COG5: variants seen among roughly 807,000 people sequenced by gnomAD.
COG5 encodes the protein component of oligomeric golgi complex 5, also known as conserved oligomeric Golgi complex subunit 5.
A neutral mutation model predicts 110.4 loss-of-function variants in COG5; 86 were observed. The observed-to-expected ratio is 0.78, with a 90% CI of 0.65 to 0.93. The LOEUF (loss-of-function observed/expected upper bound fraction) is 0.93, where lower values mean the gene tolerates loss of function less well. Ranked by LOEUF, COG5 falls within the 40% of genes least tolerant of loss-of-function variation. The pLI is 0.00. For synonymous variants in COG5, 360 were observed against 334.6 expected (o/e 1.08, Z -0.83); for missense variants, 1,077 against 987.0 (o/e 1.09, Z -1.22).
At chr7:107,431,043 G>C (rs1157563270) in intron 6 of COG5, among the ~76,000 whole-genome samples, 2 of 151,990 alleles carry the variant, frequency 1.3e-5, no homozygotes, top group Admixed American at 6.6e-5. Flanking sequence ...CAAACAAACA[G>C]AAAACTAACT....
chr7:107,256,741 T>C lies in COG5; in HGVS notation c.1740A>G (p.Ser580=). The change falls in exon 16 of 22, where the codon TCA becomes TCG. Residue 580 remains serine, a synonymous_variant. Coordinates refer to ENST00000297135, the MANE Select transcript of COG5 (RefSeq NM_006348.5). ...FPLAAEQTII[S]ALKAIHALME... ...GATTAAATTCTTTTACCTTTAGAGCTGAAATTATAGTTTGCTCAGCTGCCA... is the reference window on the plus strand; with the variant it reads ...GATTAAATTCTTTTACCTTTAGAGCCGAAATTATAGTTTGCTCAGCTGCCA... 1.9e-6 allele frequency: 3 copies of C among 1,608,486 alleles called. No individual in the cohort carries two copies. In the East Asian group the frequency reaches 6.7e-5, roughly 36 times the overall value.
At chr7:107,452,726 G>A (rs751256490) in intron 6 of COG5, among the ~76,000 whole-genome samples, 2 of 152,020 alleles carry the variant, frequency 1.3e-5, no homozygotes, top group Non-Finnish European at 2.9e-5. Context: ...TCCCAGTCTC[G>A]GGTATGTCTT....
chr7:107,262,186 G>A (rs1415859018), intron 14 of COG5, among the ~76,000 whole-genome samples: 6 of 151,824 alleles, frequency 4.0e-5, no homozygotes, highest in Non-Finnish European at 7.4e-5. Flanking sequence ...CCACCGCACC[G>A]GCCGTCCCTT....
At chr7:107,508,330 G>A (rs1417751329) in intron 6 of COG5, among the ~76,000 whole-genome samples, 1 of 152,214 alleles carries the variant, frequency 6.6e-6, no homozygotes, top group Non-Finnish European at 1.5e-5. Context: ...CAAGGCTGGG[G>A]GAGGGGCGCC....
intron 11 of COG5, among the ~76,000 whole-genome samples, chr7:107,320,813 T>C (rs1378528679): frequency 6.6e-6 from 1 of 152,160 alleles, no homozygotes; most frequent in African/African-American, 2.4e-5. Flanking sequence ...GAGATGATAA[T>C]GCTTAAGAAA....
At chr7:107,397,663 C>T (rs1274804918) in intron 7 of COG5, among the ~76,000 whole-genome samples, 1 of 152,158 alleles carries the variant, frequency 6.6e-6, no homozygotes, top group Non-Finnish European at 1.5e-5. Flanking sequence ...ATTTATATAT[C>T]ATTTTCAAAA....
intron 12 of COG5, among the ~76,000 whole-genome samples, chr7:107,291,540 A>G (rs573867641): frequency 2.6e-5 from 4 of 152,206 alleles, no homozygotes; most frequent in Non-Finnish European, 5.9e-5. Flanking sequence ...TTCCTCAGCT[A>G]GACACAGCTT....
At chr7:107,286,146 G>C (rs2116833179) in intron 12 of COG5, among the ~76,000 whole-genome samples, 1 of 152,242 alleles carries the variant, frequency 6.6e-6, no homozygotes, top group East Asian at 1.9e-4. Context: ...CATGAGGAAA[G>C]AACAGCAAGT....
intron 6 of COG5, among the ~76,000 whole-genome samples, chr7:107,484,914 AGAG>A (rs1797567815): frequency 6.6e-6 from 1 of 152,174 alleles, no homozygotes; most frequent in African/African-American, 2.4e-5. Flanking sequence ...CTGTGTAGAA[AGAG>A]GAGGGTAGTA....
chr7:107,358,120 T>C (rs1469899883), intron 10 of COG5, among the ~76,000 whole-genome samples: 3 of 152,242 alleles, frequency 2.0e-5, no homozygotes, highest in South Asian at 2.1e-4. Flanking sequence ...AGCAGTATTA[T>C]TTACTTTTGA....
chr7:107,281,465 A>AT (rs1470782148), intron 13 of COG5, 66 bp from the exon 14 acceptor site: 4 of 1,174,734 alleles, frequency 3.4e-6, no homozygotes, highest in Non-Finnish European at 5.1e-6. Context: ...AAAGAGCAAG[A>AT]TAAAAACTCA....
intron 7 of COG5, among the ~76,000 whole-genome samples, chr7:107,402,666 G>A (rs1444072162): frequency 1.3e-5 from 2 of 152,216 alleles, no homozygotes; most frequent in African/African-American, 4.8e-5. Flanking sequence ...GTCAGTGAAA[G>A]ATTGTATGGT....
chr7:107,336,168 A>C (rs950152513), intron 10 of COG5, among the ~76,000 whole-genome samples: 1 of 152,240 alleles, frequency 6.6e-6, no homozygotes, highest in African/African-American at 2.4e-5. Flanking sequence ...TTGTCCATCA[A>C]GGGATAAATA....
chr7:107,454,540 T>C (rs939403283), intron 6 of COG5, among the ~76,000 whole-genome samples: 1 of 152,226 alleles, frequency 6.6e-6, no homozygotes, highest in Non-Finnish European at 1.5e-5. Context: ...AAACACCTAA[T>C]GCCCTTTGTG....
intron 10 of COG5, among the ~76,000 whole-genome samples, chr7:107,336,935 C>T (rs1416099713): frequency 2.6e-5 from 4 of 152,072 alleles, no homozygotes; most frequent in African/African-American, 7.2e-5. Flanking sequence ...ATAGAAAGAA[C>T]TCAGTCAATT....
intron 6 of COG5, among the ~76,000 whole-genome samples, chr7:107,423,998 C>A (rs10230090): frequency 6.6e-6 from 1 of 152,052 alleles, no homozygotes; most frequent in African/African-American, 2.4e-5. Flanking sequence ...TGAGACTGAG[C>A]GCAGTGGCTC....
chr7:107,402,352 C>G (rs936359116), intron 7 of COG5, among the ~76,000 whole-genome samples: 8 of 152,210 alleles, frequency 5.3e-5, no homozygotes, highest in African/African-American at 1.9e-4. Flanking sequence ...CAGAAATCCT[C>G]TTTCCTGATG....
At position 107,236,705 on chromosome 7, in the gene COG5, G is replaced by A. The variant is rs1323874204; in HGVS notation, c.1854-18C>T. ...ATAATGACCTGTAAAAGAAAAAGCA[G>A]CCCTTTTCAGCACCGCTGCACTAAA... On this transcript the variant is annotated intron_variant, in intron 17 of 21. Coordinates refer to ENST00000297135, the MANE Select transcript of COG5 (RefSeq NM_006348.5). 1 of 1,522,970 alleles carries A rather than the reference G, an allele frequency of 6.6e-7. No individual in the cohort carries two copies. The highest frequency in any genetic ancestry group is 2.2e-5 in the East Asian group (1 of 44,532). The allele number at this position is 1,522,970 out of a possible 1,614,324, so 94.3% of individuals were successfully genotyped here. A position where few individuals can be genotyped will look rare whatever the true frequency, so the allele number is the denominator to read the frequency against.
chr7:107,561,875 C>T (rs1247181099), intron 1 of COG5, among the ~76,000 whole-genome samples: 1 of 152,076 alleles, frequency 6.6e-6, no homozygotes, highest in Non-Finnish European at 1.5e-5. Flanking sequence ...TCTCAGGAGG[C>T]TGAGCCAGGA....
Sources: allele counts gnomAD v4.1 joint callset (sites outside exome capture counted in the v4.1 genomes callset), GRCh38; gene constraint gnomAD v4.1.1; transcripts MANE v1.5; gene names NCBI Gene and HGNC (gene_info 2026-07-23, HGNC 2026-07-21).